The following DPP10 variants were observed in gnomAD, a reference collection of about 807,000 sequenced individuals.
The protein encoded by DPP10 is inactive dipeptidyl peptidase 10.
A neutral mutation model predicts 120.9 loss-of-function variants in DPP10; 33 were observed. The observed-to-expected ratio is 0.27, with a 90% CI of 0.21 to 0.37. The LOEUF (loss-of-function observed/expected upper bound fraction) is 0.37, where lower values mean the gene tolerates loss of function less well. Ranked by LOEUF, DPP10 falls within the 10% of genes least tolerant of loss-of-function variation. The pLI, the probability that DPP10 is intolerant of heterozygous loss-of-function variation, is 1.00. For missense variants in DPP10, 816 were observed against 942.8 expected (o/e 0.87, Z 1.76); for synonymous variants, 337 against 326.1 (o/e 1.03, Z -0.36).
At chr2:115,288,543 C>T (rs964758159) in intron 1 of DPP10, among the ~76,000 whole-genome samples, 7 of 151,772 alleles carry the variant, frequency 4.6e-5, no homozygotes, top group South Asian at 2.1e-4. Flanking sequence ...CATAGTGAAA[C>T]GCTATCTCTA....
intron 5 of DPP10, among the ~76,000 whole-genome samples, chr2:115,618,717 A>C (rs181067504): frequency 1.3e-5 from 2 of 152,280 alleles, no homozygotes; most frequent in Admixed American, 1.3e-4. Flanking sequence ...GCACTGCAAA[A>C]CACTAAGGAA....
At chr2:114,882,106 A>AAAATAAAT (rs59051125) in intron 1 of DPP10, among the ~76,000 whole-genome samples, 16 of 151,508 alleles carry the variant, frequency 1.1e-4, no homozygotes, top group Admixed American at 5.9e-4. Context: ...TAATGAAATA[A>AAAATAAAT]AAATAAATAA....
chr2:115,131,952 GC>G (rs1559130374), intron 1 of DPP10: 1 of 151,828 alleles, frequency 6.6e-6, no homozygotes, highest in Non-Finnish European at 1.5e-5. Context: ...ACAAAAATTA[GC>G]CGATCATGGT....
chr2:115,103,785 A>G (rs1403310745), intron 1 of DPP10, among the ~76,000 whole-genome samples: 1 of 152,242 alleles, frequency 6.6e-6, no homozygotes, highest in Admixed American at 6.5e-5. Flanking sequence ...AATTCAATGT[A>G]TAACCATTTA....
chr2:114,550,355 A>G (rs1225898762), intron 1 of DPP10, among the ~76,000 whole-genome samples: 2 of 152,230 alleles, frequency 1.3e-5, no homozygotes, highest in South Asian at 4.1e-4. Flanking sequence ...CAAATGTTAG[A>G]TCATTTACTC....
intron 3 of DPP10, among the ~76,000 whole-genome samples, chr2:115,385,436 A>C (rs1276220696): frequency 3.3e-5 from 5 of 151,280 alleles, no homozygotes; most frequent in Admixed American, 2.0e-4. Flanking sequence ...CCTCACTGCA[A>C]CCTCTGCCTC....
chr2:115,695,036 G>T (rs944928760), intron 7 of DPP10, among the ~76,000 whole-genome samples: 3 of 152,158 alleles, frequency 2.0e-5, no homozygotes, highest in Admixed American at 6.5e-5. Context: ...TCTCCCTCCA[G>T]CTGAAGTGAA....
chr2:114,827,995 T>C (rs1383616164), intron 1 of DPP10, among the ~76,000 whole-genome samples: 1 of 152,202 alleles, frequency 6.6e-6, no homozygotes, highest in Non-Finnish European at 1.5e-5. Flanking sequence ...TTTTCTTGCT[T>C]TGTAGAAAAA....
chr2:115,148,719 C>G (rs1024304221), intron 1 of DPP10, among the ~76,000 whole-genome samples: 2 of 152,152 alleles, frequency 1.3e-5, no homozygotes, highest in East Asian at 3.9e-4. Flanking sequence ...AAATGAAACA[C>G]AGATACAGCA....
At chr2:115,651,812 A>G (rs143979205) in intron 5 of DPP10, among the ~76,000 whole-genome samples, 12 of 152,088 alleles carry the variant, frequency 7.9e-5, no homozygotes, top group African/African-American at 2.9e-4. Flanking sequence ...AGCCTTTGTA[A>G]GTTTTGCAGA....
At chr2:115,792,573 G>A (rs532712668) in intron 19 of DPP10, among the ~76,000 whole-genome samples, 1 of 152,016 alleles carries the variant, frequency 6.6e-6, no homozygotes, top group African/African-American at 2.4e-5. Flanking sequence ...AGCTCTGAAA[G>A]TTCTTAATGT....
At chr2:114,955,103 A>G (rs72611950) in intron 1 of DPP10, among the ~76,000 whole-genome samples, 14,203 of 152,232 alleles carry the variant, frequency 0.093, 907 homozygotes, top group East Asian at 0.26. Context: ...CAGAATGGCT[A>G]ATCCATAGAC....
Position 115,768,421 on chromosome 2 carries a change from T to C in DPP10, c.1221+17T>C. ...CTCATCCAGGTAAGTGCTGGCTTTT[T>C]TCCATGTTTTGATTTCATTGTCCTC... On this transcript the variant is annotated intron_variant, in intron 13 of 25. Coordinates refer to ENST00000410059, the MANE Select transcript of DPP10 (RefSeq NM_020868.6). 6.2e-7 allele frequency: 1 copy of C among 1,606,406 alleles called. No homozygotes were observed. Among genetic ancestry groups the C allele is most frequent in the South Asian group, 1.1e-5 (1 of 90,616 alleles).
At chr2:114,631,918 T>C (rs2105378364) in intron 1 of DPP10, among the ~76,000 whole-genome samples, 1 of 152,318 alleles carries the variant, frequency 6.6e-6, no homozygotes, top group East Asian at 1.9e-4. Context: ...TTATGTTTCT[T>C]TAGTCTCTTT....
chr2:114,530,869 G>A (rs1685915332), intron 1 of DPP10, among the ~76,000 whole-genome samples: 1 of 152,074 alleles, frequency 6.6e-6, no homozygotes, highest in Non-Finnish European at 1.5e-5. Flanking sequence ...CTGCTGGCCA[G>A]TGAGAACTTC....
At chr2:115,322,727 C>A (rs1020860982) in intron 2 of DPP10, among the ~76,000 whole-genome samples, 6 of 152,184 alleles carry the variant, frequency 3.9e-5, no homozygotes, top group Admixed American at 6.5e-5. Flanking sequence ...TGCAGTTAAA[C>A]AACTATTCCA....
chr2:115,026,769 C>T (rs1223525818), intron 1 of DPP10, among the ~76,000 whole-genome samples: 1 of 152,002 alleles, frequency 6.6e-6, no homozygotes, highest in African/African-American at 2.4e-5. Flanking sequence ...ACTCCTGGCC[C>T]CATGCAATCT....
At position 115,162,914 on chromosome 2, in the gene DPP10, C is replaced by CGAG. The variant is rs372201733; in HGVS notation, c.61-146305_61-146303dup. Among the ~76,000 whole-genome samples, 85 of 151,306 alleles carry CGAG rather than the reference C, an allele frequency of 5.6e-4. 1 individual carries two copies. The East Asian group carries it at 9.9e-3, about 18-fold the overall frequency. ...GGTCGGGAGCGCCGAGACACCCTGG[C>CGAG]GAGGAGGAGGAGGAGGAGGAGGGAG... On this transcript the variant is annotated intron_variant, in intron 1 of 25. Transcript: ENST00000410059.
chr2:115,536,846 T>TA (rs1267552151), intron 5 of DPP10, among the ~76,000 whole-genome samples: 2 of 151,898 alleles, frequency 1.3e-5, no homozygotes, highest in African/African-American at 2.4e-5. Flanking sequence ...AAACCTATTT[T>TA]AAAAAAAATA....
Sources: gnomAD v4.1 joint callset for allele counts (sites outside exome capture counted in the v4.1 genomes callset) on GRCh38, gnomAD v4.1.1 for gene constraint, MANE v1.5 for transcripts, NCBI Gene and HGNC (gene_info 2026-07-23, HGNC 2026-07-21) for gene names.